Variants in AGO3 observed in about 807,000 individuals in gnomAD.
The protein encoded by AGO3 is argonaute RISC catalytic component 3, also known as protein argonaute-3.
A neutral mutation model predicts 105.5 loss-of-function variants in AGO3; 16 were observed. The observed-to-expected ratio is 0.15, with a 90% CI of 0.10 to 0.23. The LOEUF is 0.23. AGO3 is among the 10% of genes least tolerant of loss of function. The pLI, the probability that AGO3 is intolerant of heterozygous loss-of-function variation, is 1.00. For synonymous variants in AGO3, 340 were observed against 367.3 expected (o/e 0.93, Z 0.85); for missense variants, 534 against 1,088.0 (o/e 0.49, Z 7.16).
Position 36,008,358 on chromosome 1 carries a change from C to T in AGO3, c.794-332C>T, listed in dbSNP as rs1569750339. Among the ~76,000 whole-genome samples, 1 of 152,142 alleles carries T rather than the reference C, an allele frequency of 6.6e-6. No homozygotes were observed. Among genetic ancestry groups the T allele is most frequent in the African/African-American group, 2.4e-5 (1 of 41,436 alleles). On this transcript the variant is annotated intron_variant, in intron 6 of 18. Transcript: ENST00000373191. The surrounding 1 kb of genome is among the most constrained non-coding windows in gnomAD (Gnocchi z 5.1). ...TCCTCTTTCATTCCTCCTTCCCTCT[C>T]CCAGCATAAATACCTGAATTTATTA...
chr1:36,029,809 C>T (rs1054537375), intron 12 of AGO3, among the ~76,000 whole-genome samples: 4 of 151,850 alleles, frequency 2.6e-5, no homozygotes, highest in African/African-American at 7.3e-5. Context: ...TCTTCTGCCT[C>T]AGCCTCCCTA....
In AGO3 at chr1:36,057,304, C is replaced by T. The variant is rs1478490783; in HGVS notation, c.*1559C>T. The T allele has an allele frequency of 6.6e-6, 1 of 151,534 alleles. No homozygotes were observed. The highest frequency in any genetic ancestry group is 1.5e-5 in the Non-Finnish European group (1 of 67,916). The allele number at this position is 151,534 out of a possible 1,614,324, so 9.4% of individuals were successfully genotyped here. On this transcript the variant is annotated 3_prime_UTR_variant, in exon 19 of 19. Transcript: ENST00000373191. ...TTGTTTTTTGATAGTTTACTTGCTGCCTCTCATACCTTAATGTGATTTTCA... is the reference window on the plus strand; with the variant it reads ...TTGTTTTTTGATAGTTTACTTGCTGTCTCTCATACCTTAATGTGATTTTCA...
chr1:36,001,290 C>A (rs1279891676), intron 5 of AGO3, among the ~76,000 whole-genome samples: 2 of 151,688 alleles, frequency 1.3e-5, no homozygotes, highest in African/African-American at 4.8e-5. Flanking sequence ...GGATGTATAC[C>A]AAAAAAATAA....
intron 14 of AGO3, among the ~76,000 whole-genome samples, chr1:36,037,066 G>A (rs1210424342): frequency 1.3e-5 from 2 of 151,896 alleles, no homozygotes; most frequent in Non-Finnish European, 2.9e-5. Flanking sequence ...CTCTGTGTTT[G>A]TAACCTTTTT....
chr1:35,990,460 A>T (rs568166522), intron 5 of AGO3, among the ~76,000 whole-genome samples: 1 of 152,322 alleles, frequency 6.6e-6, no homozygotes, highest in East Asian at 1.9e-4. Context: ...GTGAGCCAAG[A>T]TTGCACCACT....
rs1457211250 is a variant in AGO3, at chr1:36,063,831, T to C, written c.*8086T>C. The C allele has an allele frequency of 6.6e-6, 1 of 152,178 alleles. No homozygotes were observed. The highest frequency in any genetic ancestry group is 1.5e-5 in the Non-Finnish European group (1 of 68,044). The allele number at this position is 152,178 out of a possible 1,614,324, so 9.4% of individuals were successfully genotyped here. ...TGGCACTATCATAGTTCACTATAAC[T>C]TCAAACTCCTGGGCTCAGGCTATCC... On this transcript the variant is annotated 3_prime_UTR_variant, in exon 19 of 19. Coordinates refer to ENST00000373191, the MANE Select transcript of AGO3 (RefSeq NM_024852.4).
Position 35,931,415 on chromosome 1 carries a change from C to A in AGO3, c.-12C>A, listed in dbSNP as rs773956972. On this transcript the variant is annotated 5_prime_UTR_variant, in exon 1 of 19. Coordinates refer to ENST00000373191, the MANE Select transcript of AGO3 (RefSeq NM_024852.4). ...TCCGTTCTCCCTCGAAGCACTCCCC[C>A]CAGCTCCATGAATGGAAATCGGCTC... The A allele has an allele frequency of 2.0e-6, 3 of 1,506,860 alleles. No individual in the cohort carries two copies. Among genetic ancestry groups the A allele is most frequent in the South Asian group, 2.6e-5 (2 of 77,606 alleles). 93.3% of individuals were successfully genotyped at this position (1,506,860 alleles called of 1,614,324 possible). A position where few individuals can be genotyped will look rare whatever the true frequency, so the allele number is the denominator to read the frequency against.
chr1:36,005,204 A>G (rs1640281423), intron 6 of AGO3, among the ~76,000 whole-genome samples: 1 of 152,200 alleles, frequency 6.6e-6, no homozygotes, highest in Admixed American at 6.5e-5. Context: ...TTAAATAGCC[A>G]GAAATAATTA....
At chr1:36,013,228 C>T (rs1168873481) in intron 9 of AGO3, among the ~76,000 whole-genome samples, 1 of 152,026 alleles carries the variant, frequency 6.6e-6, no homozygotes, top group Non-Finnish European at 1.5e-5. Context: ...TGTGAGCCAC[C>T]ACGCCCAGCC....
chr1:35,954,864 T>C (rs1426178359), intron 2 of AGO3, among the ~76,000 whole-genome samples: 2 of 152,208 alleles, frequency 1.3e-5, no homozygotes, highest in East Asian at 1.9e-4. Context: ...AGTAAAAATA[T>C]ATCATCTTAT....
chr1:35,955,000 C>T (rs896468432), intron 2 of AGO3, among the ~76,000 whole-genome samples: 1 of 152,124 alleles, frequency 6.6e-6, no homozygotes, highest in Admixed American at 6.5e-5. Context: ...ACATAGACAG[C>T]ATGAGCAAAG....
chr1:36,031,665 A>G (rs1641781784), intron 12 of AGO3, among the ~76,000 whole-genome samples: 1 of 152,106 alleles, frequency 6.6e-6, no homozygotes, highest in African/African-American at 2.4e-5. Flanking sequence ...GAAACTCTTT[A>G]TCCATTAACC....
rs1643137371 is a variant in AGO3 at position 36,069,748 on chromosome 1, G to A, written c.*14003G>A. Reference sequence around the variant, plus strand: ...TGCAGTTTTGAGTTAGATTAATGTGGTGAAAACCATCAAATACTTAGAAAT... The same window carrying A: ...TGCAGTTTTGAGTTAGATTAATGTGATGAAAACCATCAAATACTTAGAAAT... On this transcript the variant is annotated 3_prime_UTR_variant, in exon 19 of 19. Transcript: ENST00000373191. 6.6e-6 allele frequency: 1 copy of A among 152,174 alleles called. No individual in the cohort carries two copies. The highest frequency in any genetic ancestry group is 6.5e-5 in the Admixed American group (1 of 15,278). 9.4% of individuals were successfully genotyped at this position (152,174 alleles called of 1,614,324 possible).
intron 6 of AGO3, chr1:36,005,589 A>T: frequency 3.0e-6 from 1 of 332,714 alleles, no homozygotes; most frequent in Non-Finnish European, 4.3e-6. Context: ...ACCTACCATT[A>T]ATATGTGATC....
chr1:36,044,416 TTTTG>T lies in AGO3; in HGVS notation c.2274+888_2274+891del, dbSNP rs201290931. 2.2e-3 allele frequency among the ~76,000 whole-genome samples: 335 copies of T among 151,628 alleles called. 1 individual carries two copies. Among genetic ancestry groups the T allele is most frequent in the Middle Eastern group, 0.01 (3 of 294 alleles). ...TTTTTTTGTTGTTGTTGTTGTTTTG[TTTTG>T]TTTGTTTGTTTGTTTGTTTTTGAGA... On this transcript the variant is annotated intron_variant, in intron 17 of 18. Coordinates refer to ENST00000373191, the MANE Select transcript of AGO3 (RefSeq NM_024852.4).
chr1:35,968,850 G>A (rs1040636365), intron 3 of AGO3, among the ~76,000 whole-genome samples: 1 of 151,572 alleles, frequency 6.6e-6, no homozygotes, highest in African/African-American at 2.4e-5. Flanking sequence ...CCCACCAACA[G>A]TGAACAAGAG....
At chr1:35,985,288 C>A (rs1263943197) in intron 5 of AGO3, among the ~76,000 whole-genome samples, 1 of 151,938 alleles carries the variant, frequency 6.6e-6, no homozygotes, top group Non-Finnish European at 1.5e-5. Flanking sequence ...TCTCAAAAAA[C>A]AAATAAAATA....
At chr1:36,047,642 G>C (rs1480469628) in intron 17 of AGO3, among the ~76,000 whole-genome samples, 1 of 152,114 alleles carries the variant, frequency 6.6e-6, no homozygotes, top group East Asian at 1.9e-4. Context: ...CACTTTGGGA[G>C]GCCAAGGTGG....
At chr1:35,940,740 C>T (rs1195733101) in intron 1 of AGO3, among the ~76,000 whole-genome samples, 4 of 152,074 alleles carry the variant, frequency 2.6e-5, no homozygotes, top group Non-Finnish European at 5.9e-5. Flanking sequence ...TTATTTCATC[C>T]ACATCTAATG....
Sources: gnomAD v4.1 joint callset for allele counts (sites outside exome capture counted in the v4.1 genomes callset) on GRCh38, gnomAD v4.1.1 for gene constraint, Gnocchi (gnomAD v3.1) non-coding constraint, MANE v1.5 for transcripts, NCBI Gene and HGNC (gene_info 2026-07-23, HGNC 2026-07-21) for gene names.